The following DENND5B variants were observed in gnomAD, a reference collection of about 807,000 sequenced individuals.
DENND5B encodes the protein DENN domain containing 5B.
DENND5B carries 34 observed loss-of-function variants against 140.6 expected under a neutral mutation model. That is an observed-to-expected ratio of 0.24 (90% CI 0.18 to 0.32). DENND5B has a LOEUF of 0.32. DENND5B is among the 10% of genes least tolerant of loss of function. The probability of loss-of-function intolerance (pLI) is 1.00; values close to 1 mark genes in which losing one functional copy is unlikely to be tolerated. For synonymous variants in DENND5B, 551 were observed against 562.1 expected, an observed-to-expected ratio of 0.98 and a Z score of 0.28; for missense variants, 1,142 against 1,560.2, an observed-to-expected ratio of 0.73 and a Z score of 4.52.
At chr12:31,397,666 C>T (rs1298735918) in intron 17 of DENND5B, among the ~76,000 whole-genome samples, 1 of 151,546 alleles carries the variant, frequency 6.6e-6, no homozygotes, top group Non-Finnish European at 1.5e-5. Context: ...TGGCACACGC[C>T]TGTAATGCCA....
In DENND5B at chr12:31,452,063, G is replaced by A; in HGVS notation, c.1506C>T (p.Leu502=). The change falls in exon 5 of 21, where the codon CTC becomes CTT. Residue 502 remains leucine (L), a synonymous_variant. Transcript: ENST00000389082. The part of the protein sequence containing the change: ...ELRDYQLNVQ[L]REVFANRFTQ... Reference sequence around the variant, plus strand: ...TAAAACGGTTAGCAAAGACCTCTCGGAGCTGTACATTGAGCTGGTAGTCCC... The same window carrying A: ...TAAAACGGTTAGCAAAGACCTCTCGAAGCTGTACATTGAGCTGGTAGTCCC... 1.2e-6 allele frequency: 2 copies of A among 1,613,914 alleles called. 1 individual carries two copies. Among genetic ancestry groups the A allele is most frequent in the South Asian group, 2.2e-5 (2 of 91,066 alleles).
chr12:31,538,898 T>A, intron 1 of DENND5B, among the ~76,000 whole-genome samples: 1 of 145,144 alleles, frequency 6.9e-6, no homozygotes, highest in Non-Finnish European at 1.5e-5. Context: ...AAAATAAAGA[T>A]CAGAGCAGAA....
At chr12:31,534,226 C>G (rs969222863) in intron 1 of DENND5B, among the ~76,000 whole-genome samples, 6 of 151,926 alleles carry the variant, frequency 3.9e-5, no homozygotes, top group African/African-American at 1.5e-4. Flanking sequence ...GTGGTGCGAT[C>G]TCGGCTTACT....
chr12:31,463,660 A>C (rs181648875), intron 3 of DENND5B, among the ~76,000 whole-genome samples: 2 of 152,044 alleles, frequency 1.3e-5, no homozygotes, highest in Admixed American at 1.3e-4. Context: ...TACCACACAC[A>C]TTATTAATTT....
At chr12:31,400,739 A>G (rs1365584687) in intron 15 of DENND5B, among the ~76,000 whole-genome samples, 1 of 152,174 alleles carries the variant, frequency 6.6e-6, no homozygotes, top group Admixed American at 6.6e-5. Context: ...GTTATTTTAA[A>G]ATGTACAGTT....
chr12:31,434,241 A>C (rs1203390631), intron 7 of DENND5B, among the ~76,000 whole-genome samples: 1 of 152,150 alleles, frequency 6.6e-6, no homozygotes, highest in Non-Finnish European at 1.5e-5. Context: ...CTTAAATATA[A>C]AGACCTCTGC....
intron 1 of DENND5B, among the ~76,000 whole-genome samples, chr12:31,555,388 T>A (rs952567778): frequency 2.0e-5 from 3 of 152,196 alleles, no homozygotes; most frequent in Non-Finnish European, 4.4e-5. Flanking sequence ...GAACCGCAGA[T>A]GCTGCTGCCT....
intron 1 of DENND5B, among the ~76,000 whole-genome samples, chr12:31,544,912 T>C (rs1364010840): frequency 6.6e-6 from 1 of 152,110 alleles, no homozygotes; most frequent in East Asian, 1.9e-4. Context: ...AGCAACAAGT[T>C]AACCACCAAG....
intron 4 of DENND5B, among the ~76,000 whole-genome samples, chr12:31,455,635 A>C (rs562190420): frequency 7.2e-5 from 11 of 152,332 alleles, no homozygotes; most frequent in African/African-American, 2.6e-4. Flanking sequence ...AATTTACTCA[A>C]CACCTCAATC....
chr12:31,552,771 C>A (rs941997640), intron 1 of DENND5B, among the ~76,000 whole-genome samples: 1 of 152,094 alleles, frequency 6.6e-6, no homozygotes, highest in African/African-American at 2.4e-5. Context: ...TTCAGAGATT[C>A]AACTTCTTCC....
chr12:31,467,984 T>C (rs771743549), intron 3 of DENND5B, among the ~76,000 whole-genome samples: 1 of 152,114 alleles, frequency 6.6e-6, no homozygotes, highest in Admixed American at 6.5e-5. Context: ...CCAGGTATGA[T>C]GGCTCACACC....
intron 17 of DENND5B, 86 bp downstream of exon 17, chr12:31,398,089 C>T (rs1030588281): frequency 2.5e-5 from 32 of 1,262,174 alleles, no homozygotes; most frequent in Admixed American, 9.0e-5. Flanking sequence ...CTCCTCACTA[C>T]ATTCATTAAC....
chr12:31,422,230 T>C (rs1943056372), intron 11 of DENND5B, among the ~76,000 whole-genome samples: 3 of 142,498 alleles, frequency 2.1e-5, no homozygotes, highest in Non-Finnish European at 4.5e-5. Flanking sequence ...CCATCCTGGC[T>C]AACACAGTGA....
At chr12:31,590,228 C>T (rs1341406494) in intron 1 of DENND5B, 1 of 152,354 alleles carries the variant, frequency 6.6e-6, no homozygotes, top group African/African-American at 2.4e-5. Context: ...CGGACGCTAC[C>T]CCGGCGGGAG....
At chr12:31,475,354 AGAGT>A (rs1945753147) in intron 3 of DENND5B, among the ~76,000 whole-genome samples, 1 of 29,422 alleles carries the variant, frequency 3.4e-5, no homozygotes, top group Admixed American at 6.1e-4. Flanking sequence ...ACAAAAAAAT[AGAGT>A]ATAAAACCAT....
rs34089984 is a variant in DENND5B at position 31,396,056 on chromosome 12, G to GTTTTTT, written c.3256+2113_3256+2118dup. ...CTTCTGGTGGCTGTTGGCATTCCTT[G>GTTTTTT]TTTTTTTTTTTTTTTTTTTTTTGAG... On this transcript the variant is annotated intron_variant, in intron 17 of 20. Coordinates refer to ENST00000389082, the MANE Select transcript of DENND5B (RefSeq NM_144973.4). Among the ~76,000 whole-genome samples the GTTTTTT allele has an allele frequency of 6.2e-3, 697 of 112,178 alleles. 6 individuals carry two copies. The highest frequency in any genetic ancestry group is 0.018 in the East Asian group (66 of 3,578). The allele number at this position is 112,178 out of a possible 152,430, so 73.6% of individuals were successfully genotyped here.
At chr12:31,413,947 T>C (rs1232673406) in intron 12 of DENND5B, among the ~76,000 whole-genome samples, 1 of 152,222 alleles carries the variant, frequency 6.6e-6, no homozygotes, top group Non-Finnish European at 1.5e-5. Context: ...ATAACTGTTC[T>C]ATAGCATAAT....
intron 5 of DENND5B, among the ~76,000 whole-genome samples, chr12:31,451,128 A>G (rs1383935001): frequency 1.3e-5 from 2 of 152,184 alleles, no homozygotes; most frequent in Non-Finnish European, 2.9e-5. Context: ...TTACATGGAC[A>G]AGTTGTGACT....
chr12:31,446,841 G>A (rs896687762), intron 6 of DENND5B, among the ~76,000 whole-genome samples: 1 of 150,846 alleles, frequency 6.6e-6, no homozygotes, highest in Non-Finnish European at 1.5e-5. Context: ...GAGCCAAGAT[G>A]GCGCCACTGC....
Sources: allele counts gnomAD v4.1 joint callset (sites outside exome capture counted in the v4.1 genomes callset), GRCh38; gene constraint gnomAD v4.1.1; transcripts MANE v1.5; gene names NCBI Gene and HGNC (gene_info 2026-07-23, HGNC 2026-07-21).